The following ERMAP variants were observed in gnomAD, a reference collection of about 807,000 sequenced individuals.
ERMAP encodes erythroid membrane-associated protein.
ERMAP carries 34 observed loss-of-function variants against 49.5 expected under a neutral mutation model. The observed-to-expected ratio is 0.69, with a 90% CI of 0.52 to 0.91. The LOEUF (loss-of-function observed/expected upper bound fraction) is 0.91. Among genes scored for constraint, ERMAP ranks in the 40% least tolerant of loss-of-function variants. The pLI is 0.00. For synonymous variants in ERMAP, 214 were observed against 232.2 expected, an observed-to-expected ratio of 0.92 and a Z score of 0.71; for missense variants, 541 against 582.6, an observed-to-expected ratio of 0.93 and a Z score of 0.74.
At chr1:42,828,424 G>T (rs562828005) in intron 2 of ERMAP, among the ~76,000 whole-genome samples, 6 of 151,992 alleles carry the variant, frequency 3.9e-5, no homozygotes, top group Non-Finnish European at 4.4e-5. Context: ...CCTGTCTAAG[G>T]CCACCAGTTA....
intron 1 of ERMAP, among the ~76,000 whole-genome samples, chr1:42,824,072 C>T (rs1469997323): frequency 2.0e-5 from 3 of 152,206 alleles, no homozygotes; most frequent in East Asian, 1.9e-4. Context: ...AGGCCGGGCG[C>T]GGTGGCTCAC....
In ERMAP at chr1:42,835,296, G is replaced by C. The variant is rs1570541413; in HGVS notation, c.550+142G>C. ...CAAGTTGGCTGGGAGAAAACTGGTA[G>C]AGCCATGCCCTGGGGACACACATTG... On this transcript the variant is annotated intron_variant, in intron 5 of 11. Coordinates refer to ENST00000372517, the MANE Select transcript of ERMAP (RefSeq NM_001017922.2). The C allele has an allele frequency of 1.5e-5, 10 of 651,334 alleles. No homozygotes were observed. In the East Asian group the frequency reaches 2.7e-4, roughly 17 times the overall value. 40.3% of individuals were successfully genotyped at this position (651,334 alleles called of 1,614,324 possible).
chr1:42,842,960 A>T lies in ERMAP; in HGVS notation c.1156A>T (p.Asn386Tyr), dbSNP rs1655109556. Residue 386 changes from asparagine to tyrosine, a missense_variant, in exon 12 of 12, where the codon AAT becomes TAT. Transcript: ENST00000372517. ...GTCCCACATCTTTACTTTCACCCAC[A>T]ATTTCTCTGGCCCCCTTCGCCCTTT... Reference protein sequence around the residue: ...NKSHIFTFTHNFSGPLRPFFE... With the variant: ...NKSHIFTFTHYFSGPLRPFFE... 6 of 1,613,966 alleles carry T rather than the reference A, an allele frequency of 3.7e-6. No individual in the cohort carries two copies. The South Asian group carries it at 5.5e-5, about 15-fold the overall frequency.
intron 7 of ERMAP, 36 bp downstream of exon 7, chr1:42,837,226 A>G: frequency 6.3e-7 from 1 of 1,595,684 alleles, no homozygotes; most frequent in Non-Finnish European, 8.6e-7. Flanking sequence ...AGGGAACAAA[A>G]AACACATTCT....
At position 42,843,157 on chromosome 1, in the gene ERMAP, G is replaced by C. The variant is rs1655116956; in HGVS notation, c.1353G>C (p.Glu451Asp). Residue 451 changes from glutamate to aspartate, a missense_variant, in exon 12 of 12, where the codon GAG becomes GAC. Coordinates refer to ENST00000372517, the MANE Select transcript of ERMAP (RefSeq NM_001017922.2). ...NSSLLPPKAP[E>D]LKDIILSLPP... is the part of the protein sequence containing the mutation. The stretch of plus-strand genomic sequence containing the variant: ...CTTTACTACCCCCGAAGGCCCCAGA[G>C]CTGAAGGATATAATCCTGTCCTTGC... 1.2e-6 allele frequency: 2 copies of C among 1,613,966 alleles called. No homozygotes were observed. The highest frequency in any genetic ancestry group is 1.7e-6 in the Non-Finnish European group (2 of 1,180,010).
chr1:42,832,442 A>G (rs1254182891), intron 4 of ERMAP, among the ~76,000 whole-genome samples: 1 of 151,650 alleles, frequency 6.6e-6, no homozygotes, highest in African/African-American at 2.4e-5. Context: ...ATCTGGGCTC[A>G]CCACAACCTC....
intron 7 of ERMAP, among the ~76,000 whole-genome samples, chr1:42,838,366 A>C (rs1654962758): frequency 6.6e-6 from 1 of 152,136 alleles, no homozygotes; most frequent in Admixed American, 6.5e-5. Context: ...GTAGGGGGAA[A>C]TGTGGGCCAC....
chr1:42,825,440 T>A, intron 1 of ERMAP, 183 bp from the exon 2 acceptor site: 1 of 1,147,178 alleles, frequency 8.7e-7, no homozygotes, highest in African/African-American at 1.6e-5. Flanking sequence ...CGGTCAGTCA[T>A]ACTCAGTGGT....
rs931024251 is a variant in ERMAP at position 42,844,856 on chromosome 1, A to G, written c.*1624A>G. On this transcript the variant is annotated 3_prime_UTR_variant, in exon 12 of 12. Transcript: ENST00000372517. This position sits in a 1 kb window ranked among gnomAD's most constrained non-coding sequence, Gnocchi z 4.0. Reference sequence around the variant, plus strand: ...ACACCCTCACAGGAACACTCAGAATAATGTTTGACCAAATAGCTGGGCATC... The same window carrying G: ...ACACCCTCACAGGAACACTCAGAATGATGTTTGACCAAATAGCTGGGCATC... 1 of 152,232 alleles carries G rather than the reference A, an allele frequency of 6.6e-6. No individual in the cohort carries two copies. The highest frequency in any genetic ancestry group is 2.4e-5 in the African/African-American group (1 of 41,460). 9.4% of individuals were successfully genotyped at this position (152,232 alleles called of 1,614,324 possible). A position where few individuals can be genotyped will look rare whatever the true frequency, so the allele number is the denominator to read the frequency against.
intron 1 of ERMAP, 79 bp downstream of exon 1, chr1:42,817,332 G>A (rs941661741): frequency 5.9e-6 from 6 of 1,014,492 alleles, no homozygotes; most frequent in South Asian, 1.6e-5. Flanking sequence ...GCCGCGCGCC[G>A]GGGGGAGGGG....
Position 42,843,292 on chromosome 1 carries a change from C to T in ERMAP, c.*60C>T, listed in dbSNP as rs749404804. 37 of 1,230,026 alleles carry T rather than the reference C, an allele frequency of 3.0e-5. No homozygotes were observed. The highest frequency in any genetic ancestry group is 3.5e-5 in the Non-Finnish European group (31 of 886,626). 76.2% of individuals were successfully genotyped at this position (1,230,026 alleles called of 1,614,324 possible). On this transcript the variant is annotated 3_prime_UTR_variant, in exon 12 of 12. Coordinates refer to ENST00000372517, the MANE Select transcript of ERMAP (RefSeq NM_001017922.2). ...AGCCCAGCACCCTGGACTTCAGTCG[C>T]CTGGCCCAACCCCATGATTATGGAA... is the stretch of plus-strand genomic sequence containing the variant.
In ERMAP at chr1:42,843,079, G is replaced by A; in HGVS notation, c.1275G>A (p.Arg425=). The change falls in exon 12 of 12, where the codon AGG becomes AGA. Residue 425 remains arginine (R), a synonymous_variant. Transcript: ENST00000372517. ...AATCAGAGGAATCAATTGTCCCCAGGCCAGAAGGGAAAGGCCATGCTAATG... is the reference window on the plus strand; with the variant it reads ...AATCAGAGGAATCAATTGTCCCCAGACCAGAAGGGAAAGGCCATGCTAATG... ...LHKSEESIVP[R]PEGKGHANGD... 1.2e-6 allele frequency: 2 copies of A among 1,614,162 alleles called. No individual in the cohort carries two copies. The highest frequency in any genetic ancestry group is 1.7e-6 in the Non-Finnish European group (2 of 1,180,024).
chr1:42,838,549 C>A (rs890640241), intron 7 of ERMAP, among the ~76,000 whole-genome samples: 1 of 152,186 alleles, frequency 6.6e-6, no homozygotes, highest in Non-Finnish European at 1.5e-5. Flanking sequence ...AGTTTTACAC[C>A]TTAGATACCA....
intron 2 of ERMAP, among the ~76,000 whole-genome samples, chr1:42,827,359 GCAA>G (rs1191826277): frequency 6.6e-6 from 1 of 152,020 alleles, no homozygotes; most frequent in Non-Finnish European, 1.5e-5. Flanking sequence ...TTTTTTTGTA[GCAA>G]CAGGGATTTG....
chr1:42,832,068 G>C (rs1654757161), intron 4 of ERMAP, among the ~76,000 whole-genome samples: 1 of 151,764 alleles, frequency 6.6e-6, no homozygotes. Context: ...ATTATCTTTT[G>C]GTCATAATTT....
At chr1:42,826,383 A>T (rs1557605878) in intron 2 of ERMAP, among the ~76,000 whole-genome samples, 1 of 151,724 alleles carries the variant, frequency 6.6e-6, no homozygotes, top group Admixed American at 6.6e-5. Flanking sequence ...AAATTGGCAA[A>T]TTTTTTTTTA....
chr1:42,837,043 G>A, intron 6 of ERMAP, 115 bp from the exon 7 acceptor site: 1 of 1,011,996 alleles, frequency 9.9e-7, no homozygotes, highest in Non-Finnish European at 1.5e-6. Flanking sequence ...CCGGATCAGG[G>A]AGGTGGAGGT....
chr1:42,831,144 C>A lies in ERMAP; in HGVS notation c.433+29C>A. On this transcript the variant is annotated intron_variant, in intron 4 of 11. Transcript: ENST00000372517. ...AGAATGGGTTTGAGGTGCCCAGGGT[C>A]ATTTGTGGCAATTGGACAAGCTTAA... is the stretch of plus-strand genomic sequence containing the variant. 2 of 1,602,770 alleles carry A rather than the reference C, an allele frequency of 1.2e-6. No individual in the cohort carries two copies. The highest frequency in any genetic ancestry group is 2.2e-5 in the South Asian group (2 of 89,740).
intron 2 of ERMAP, 137 bp from the exon 3 acceptor site, chr1:42,830,296 GAGGTAAGTAGC>G (rs1276668809): frequency 3.1e-6 from 2 of 646,848 alleles, no homozygotes; most frequent in Non-Finnish European, 5.5e-6. Flanking sequence ...GTATCACAAG[GAGGTAAGTAGC>G]AGAGCTGGGA....
Sources: gnomAD v4.1 joint callset for allele counts (sites outside exome capture counted in the v4.1 genomes callset) on GRCh38, gnomAD v4.1.1 for gene constraint, Gnocchi (gnomAD v3.1) non-coding constraint, MANE v1.5 for transcripts, NCBI Gene and HGNC (gene_info 2026-07-23, HGNC 2026-07-21) for gene names.